The following LIMD1 variants were observed in gnomAD, a reference collection of about 807,000 sequenced individuals.
LIMD1 encodes the protein LIM domain containing 1, also known as LIM domain-containing protein 1.
In LIMD1, 23 loss-of-function variants were observed where a neutral mutation model predicts 58.4. The observed-to-expected ratio is 0.39, with a 90% CI of 0.28 to 0.56. The LOEUF (loss-of-function observed/expected upper bound fraction) is 0.56. Ranked by LOEUF, LIMD1 falls within the 20% of genes least tolerant of loss-of-function variation. The pLI, the probability that LIMD1 is intolerant of heterozygous loss-of-function variation, is 0.57. For synonymous variants in LIMD1, 334 were observed against 345.5 expected, an observed-to-expected ratio of 0.97 and a Z score of 0.37; for missense variants, 838 against 855.5, an observed-to-expected ratio of 0.98 and a Z score of 0.25.
intron 2 of LIMD1, among the ~76,000 whole-genome samples, chr3:45,637,312 G>A (rs964329368): frequency 2.1e-5 from 3 of 145,532 alleles, no homozygotes; most frequent in Admixed American, 7.0e-5. Flanking sequence ...ACGGAGTCTC[G>A]CTTTGTCACC....
At position 45,595,886 on chromosome 3, in the gene LIMD1, G is replaced by C. The variant is rs1461273331; in HGVS notation, c.1007G>C (p.Trp336Ser). 6.2e-7 allele frequency: 1 copy of C among 1,614,228 alleles called. No individual in the cohort carries two copies. Reference protein sequence around the residue: ...MSKPNVDPQPWFQDGPKSYLS... With the variant: ...MSKPNVDPQPSFQDGPKSYLS... ...AAACCCAATGTGGACCCCCAACCCT[G>C]GTTCCAGGATGGGCCCAAATCTTAC... The change falls in exon 1 of 8, where the codon TGG becomes TCG. Residue 336 changes from tryptophan to serine, a missense_variant. By Grantham distance (177) the Trp-to-Ser change is radical (BLOSUM62 -3). Around this residue, in one of 3 missense-constraint regions of LIMD1, gnomAD observed 659 missense variants for 639.8 expected, o/e 1.03. Coordinates refer to ENST00000273317, the MANE Select transcript of LIMD1 (RefSeq NM_014240.3).
rs1697795733 is a variant in LIMD1, at chr3:45,685,137, T to A, written c.*8078T>A. 1 of 152,190 alleles carries A rather than the reference T, an allele frequency of 6.6e-6. No individual in the cohort carries two copies. The highest frequency in any genetic ancestry group is 6.5e-5 in the Admixed American group (1 of 15,284). 9.4% of individuals were successfully genotyped at this position (152,190 alleles called of 1,614,324 possible). On this transcript the variant is annotated 3_prime_UTR_variant, in exon 8 of 8. Transcript: ENST00000273317. ...GGCCTCTGGCAGATTTTGTAAAAAG[T>A]TATATAACAATTTTACTATAGGAAA...
At chr3:45,612,133 A>G (rs1701531599) in intron 1 of LIMD1, among the ~76,000 whole-genome samples, 1 of 151,562 alleles carries the variant, frequency 6.6e-6, no homozygotes, top group South Asian at 2.1e-4. Context: ...TACCCAGGTT[A>G]GAGTTCAGTG....
At chr3:45,660,725 G>A (rs1046348555) in intron 2 of LIMD1, among the ~76,000 whole-genome samples, 2 of 152,134 alleles carry the variant, frequency 1.3e-5, no homozygotes, top group Non-Finnish European at 2.9e-5. Context: ...CAGGTGGGCT[G>A]TTTGTGTTCC....
At chr3:45,651,055 TGTGG>T (rs1701969571) in intron 2 of LIMD1, among the ~76,000 whole-genome samples, 1 of 151,404 alleles carries the variant, frequency 6.6e-6, no homozygotes, top group Admixed American at 6.6e-5. Flanking sequence ...GGTATCTCAT[TGTGG>T]TTTTGATTTG....
intron 1 of LIMD1, among the ~76,000 whole-genome samples, chr3:45,611,214 C>A (rs1380044951): frequency 3.9e-5 from 6 of 152,218 alleles, no homozygotes; most frequent in Non-Finnish European, 2.9e-5. Flanking sequence ...ACAAAAAGAT[C>A]ATCATTTGTT....
At chr3:45,654,447 T>C (rs543678596) in intron 2 of LIMD1, among the ~76,000 whole-genome samples, 1 of 152,216 alleles carries the variant, frequency 6.6e-6, no homozygotes, top group Admixed American at 6.5e-5. Context: ...TGTGATGTCC[T>C]TAACTCTTGT....
At chr3:45,656,322 AAG>A (rs1702026811) in intron 2 of LIMD1, among the ~76,000 whole-genome samples, 1 of 152,154 alleles carries the variant, frequency 6.6e-6, no homozygotes, top group South Asian at 2.1e-4. Flanking sequence ...AACAGAAAAC[AAG>A]AGAGACAGTA....
chr3:45,652,648 T>C (rs1224300632), intron 2 of LIMD1, among the ~76,000 whole-genome samples: 1 of 152,378 alleles, frequency 6.6e-6, no homozygotes, highest in Admixed American at 6.5e-5. Flanking sequence ...TCTAGGGCTC[T>C]ATTATTCCTC....
At chr3:45,637,472 G>T (rs1363872990) in intron 2 of LIMD1, among the ~76,000 whole-genome samples, 5 of 152,204 alleles carry the variant, frequency 3.3e-5, no homozygotes, top group Admixed American at 6.5e-5. Flanking sequence ...GTAGAGACGG[G>T]GTTTCACCAT....
At chr3:45,674,437 A>G in intron 7 of LIMD1, 26 bp downstream of exon 7, 1 of 1,133,826 alleles carries the variant, frequency 8.8e-7, no homozygotes, top group East Asian at 4.2e-5. Context: ...CCCAGCCCCC[A>G]AAGCCCATTG....
At chr3:45,672,601 A>G (rs1697600824) in intron 4 of LIMD1, 89 bp from the exon 5 acceptor site, 4 of 1,438,586 alleles carry the variant, frequency 2.8e-6, no homozygotes, top group African/African-American at 1.4e-5. Flanking sequence ...GTGACTGCTC[A>G]TGTAATCCTT....
intron 1 of LIMD1, chr3:45,632,529 G>A (rs1473220586): frequency 2.0e-6 from 2 of 985,250 alleles, no homozygotes; most frequent in African/African-American, 3.5e-5. Flanking sequence ...AGACATGTGT[G>A]CCCAAGATAC....
chr3:45,599,904 C>T (rs545275515), intron 1 of LIMD1, among the ~76,000 whole-genome samples: 11 of 152,226 alleles, frequency 7.2e-5, no homozygotes, highest in African/African-American at 2.4e-4. Flanking sequence ...TGCGACCTAC[C>T]TTGGGGCAGA....
In LIMD1 at chr3:45,596,235, C is replaced by A. The variant is rs1299830148; in HGVS notation, c.1356C>A (p.Leu452=). Residue 452 remains leucine (L), a synonymous_variant, in exon 1 of 8, where the codon CTC becomes CTA. Coordinates refer to ENST00000273317, the MANE Select transcript of LIMD1 (RefSeq NM_014240.3). ...CTGCTGAGTTGAAATTAGAAGCCCTCACCCAACGTCTGGAGCGAGAGATGG... is the reference window on the plus strand; with the variant it reads ...CTGCTGAGTTGAAATTAGAAGCCCTAACCCAACGTCTGGAGCGAGAGATGG... ...PSAAELKLEA[L]TQRLEREMDA... 6.2e-7 allele frequency: 1 copy of A among 1,612,552 alleles called. No homozygotes were observed. The highest frequency in any genetic ancestry group is 8.5e-7 in the Non-Finnish European group (1 of 1,179,562).
intron 4 of LIMD1, 50 bp from the exon 5 acceptor site, chr3:45,672,640 C>G (rs758083483): frequency 6.2e-7 from 1 of 1,603,088 alleles, no homozygotes. Flanking sequence ...TCCCCTTCCA[C>G]CATCTCATCC....
intron 2 of LIMD1, among the ~76,000 whole-genome samples, chr3:45,661,139 G>T (rs952693377): frequency 6.6e-6 from 1 of 152,034 alleles, no homozygotes; most frequent in Admixed American, 6.6e-5. Context: ...TCCCTTCCAT[G>T]CACCCCCACC....
At chr3:45,652,545 A>G (rs1262583348) in intron 2 of LIMD1, among the ~76,000 whole-genome samples, 1 of 152,150 alleles carries the variant, frequency 6.6e-6, no homozygotes, top group African/African-American at 2.4e-5. Context: ...TCTTCTGAGC[A>G]TTGTTCTGGG....
rs770610717 is a variant in LIMD1, at chr3:45,677,061, C to T, written c.*2C>T. ...GCCCTTCACCAGCACCACTTCTAGC[C>T]AGAGCCACTTGCAGACATCACGGCA... is the stretch of plus-strand genomic sequence containing the variant. On this transcript the variant is annotated 3_prime_UTR_variant, in exon 8 of 8. Coordinates refer to ENST00000273317, the MANE Select transcript of LIMD1 (RefSeq NM_014240.3). 5 of 1,613,038 alleles carry T rather than the reference C, an allele frequency of 3.1e-6. No individual in the cohort carries two copies. Among genetic ancestry groups the T allele is most frequent in the Non-Finnish European group, 3.4e-6 (4 of 1,179,724 alleles).
Sources: allele counts gnomAD v4.1 joint callset (sites outside exome capture counted in the v4.1 genomes callset), GRCh38; gene constraint gnomAD v4.1.1; regional missense constraint gnomAD v4.1.1; transcripts MANE v1.5; gene names NCBI Gene and HGNC (gene_info 2026-07-23, HGNC 2026-07-21).